The following NKAIN3 variants were observed in gnomAD, a reference collection of about 807,000 sequenced individuals.
The protein encoded by NKAIN3 is sodium/potassium transporting ATPase interacting 3, also known as sodium/potassium-transporting ATPase subunit beta-1-interacting protein 3.
A neutral mutation model predicts 30.2 loss-of-function variants in NKAIN3; 25 were observed. The ratio of observed to expected loss-of-function variants is 0.83; its 90% CI spans 0.60 to 1.16. NKAIN3 has a LOEUF of 1.16. Among genes scored for constraint, NKAIN3 ranks in the 50% most tolerant of loss-of-function variants. NKAIN3 has a pLI of 0.00. For missense variants in NKAIN3, 225 were observed against 254.1 expected (o/e 0.89, Z 0.78); for synonymous variants, 91 against 89.6 (o/e 1.02, Z -0.09).
At chr8:62,693,193 T>C (rs1814037384) in intron 3 of NKAIN3, among the ~76,000 whole-genome samples, 3 of 152,358 alleles carry the variant, frequency 2.0e-5, no homozygotes, top group Non-Finnish European at 4.4e-5. Flanking sequence ...AGAGATAATT[T>C]GCCTCACTTA....
chr8:62,643,009 G>A (rs1451744716), intron 3 of NKAIN3, among the ~76,000 whole-genome samples: 2 of 152,058 alleles, frequency 1.3e-5, no homozygotes, highest in African/African-American at 4.8e-5. Flanking sequence ...TAATTTTGGA[G>A]CATTTTTTGG....
At chr8:62,845,928 A>G (rs866208519) in intron 4 of NKAIN3, among the ~76,000 whole-genome samples, 16 of 152,286 alleles carry the variant, frequency 1.1e-4, no homozygotes, top group African/African-American at 3.8e-4. Context: ...TTACTTAATA[A>G]AAACAAACCT....
At chr8:62,668,791 T>C (rs1813210711) in intron 3 of NKAIN3, among the ~76,000 whole-genome samples, 2 of 152,206 alleles carry the variant, frequency 1.3e-5, no homozygotes, top group Admixed American at 6.5e-5. Context: ...AAAATTTTAA[T>C]CAGTTCATAG....
intron 6 of NKAIN3, among the ~76,000 whole-genome samples, chr8:62,956,681 T>C (rs1274437268): frequency 6.6e-6 from 1 of 152,216 alleles, no homozygotes; most frequent in Non-Finnish European, 1.5e-5. Flanking sequence ...AAAAGCCCAC[T>C]GATTACATCA....
At chr8:62,259,720 A>G (rs895559787) in intron 1 of NKAIN3, among the ~76,000 whole-genome samples, 1 of 152,198 alleles carries the variant, frequency 6.6e-6, no homozygotes, top group Non-Finnish European at 1.5e-5. Context: ...AGATGAGCAT[A>G]GTTATAAACA....
At chr8:62,787,934 G>C (rs986562001) in intron 4 of NKAIN3, among the ~76,000 whole-genome samples, 2 of 152,100 alleles carry the variant, frequency 1.3e-5, no homozygotes, top group African/African-American at 2.4e-5. Context: ...TATCATTGTT[G>C]GACATCTGGC....
chr8:62,828,666 C>T (rs773105229), intron 4 of NKAIN3, among the ~76,000 whole-genome samples: 17 of 152,086 alleles, frequency 1.1e-4, no homozygotes, highest in Non-Finnish European at 2.4e-4. Context: ...ATTGCTTTGA[C>T]AAATGGAACA....
chr8:62,356,547 A>G (rs1374271615), intron 1 of NKAIN3, among the ~76,000 whole-genome samples: 1 of 152,156 alleles, frequency 6.6e-6, no homozygotes, highest in Non-Finnish European at 1.5e-5. Context: ...ACCATTATCA[A>G]GTCCTGCCAA....
At chr8:62,949,729 T>G (rs1218870974) in intron 5 of NKAIN3, among the ~76,000 whole-genome samples, 2 of 152,064 alleles carry the variant, frequency 1.3e-5, no homozygotes, top group Non-Finnish European at 2.9e-5. Context: ...GTTGCTTTTT[T>G]TTTTTCTAAA....
intron 1 of NKAIN3, among the ~76,000 whole-genome samples, chr8:62,570,796 A>G (rs1317681438): frequency 1.3e-5 from 2 of 152,168 alleles, no homozygotes; most frequent in East Asian, 3.9e-4. Context: ...CAGGCAGCTC[A>G]AAGTGAGCTG....
intron 3 of NKAIN3, among the ~76,000 whole-genome samples, chr8:62,689,302 T>C (rs1430136975): frequency 6.6e-6 from 1 of 152,174 alleles, no homozygotes; most frequent in Non-Finnish European, 1.5e-5. Flanking sequence ...CTAGCTGCCC[T>C]AGGCTCCTGC....
chr8:62,605,674 G>A (rs1009216387), intron 3 of NKAIN3, among the ~76,000 whole-genome samples: 1 of 151,950 alleles, frequency 6.6e-6, no homozygotes, highest in Non-Finnish European at 1.5e-5. Flanking sequence ...TATTTACATA[G>A]TATTTACACT....
At chr8:62,914,814 A>G (rs1372623896) in intron 4 of NKAIN3, among the ~76,000 whole-genome samples, 1 of 135,196 alleles carries the variant, frequency 7.4e-6, no homozygotes, top group Non-Finnish European at 1.5e-5. Context: ...TACTTTAAGT[A>G]CTGGGATACA....
At chr8:62,699,251 C>T (rs918328823) in intron 3 of NKAIN3, among the ~76,000 whole-genome samples, 1 of 152,102 alleles carries the variant, frequency 6.6e-6, no homozygotes, top group Non-Finnish European at 1.5e-5. Flanking sequence ...AAAGGTCAAA[C>T]AAGTTCAAGG....
intron 1 of NKAIN3, among the ~76,000 whole-genome samples, chr8:62,513,857 CAAAAAAAAAAAA>C (rs10608416): frequency 1.9e-5 from 1 of 52,616 alleles, no homozygotes. Context: ...AAACCTGTCT[CAAAAAAAAAAAA>C]AAAAAAAAAA....
chr8:62,872,081 G>A (rs944111864), intron 4 of NKAIN3, among the ~76,000 whole-genome samples: 1 of 152,074 alleles, frequency 6.6e-6, no homozygotes, highest in Non-Finnish European at 1.5e-5. Flanking sequence ...TGTTCCATCT[G>A]CCCACAGTAT....
intron 1 of NKAIN3, among the ~76,000 whole-genome samples, chr8:62,556,036 G>A (rs1373722572): frequency 6.6e-6 from 1 of 151,844 alleles, no homozygotes; most frequent in Admixed American, 6.6e-5. Context: ...TTAACAAATT[G>A]GAAAGTATAT....
chr8:62,643,045 A>G (rs1322050347), intron 3 of NKAIN3, among the ~76,000 whole-genome samples: 1 of 152,180 alleles, frequency 6.6e-6, no homozygotes, highest in East Asian at 1.9e-4. Context: ...GAAATGACCA[A>G]TGAATGTTAG....
At position 62,848,396 on chromosome 8, in the gene NKAIN3, G is replaced by C. The variant is rs191036464; in HGVS notation, c.472-70057G>C. Among the ~76,000 whole-genome samples, 242 of 152,118 alleles carry C rather than the reference G, an allele frequency of 1.6e-3. 2 individuals carry two copies. Among genetic ancestry groups the C allele is most frequent in the African/African-American group, 5.1e-3 (210 of 41,510 alleles). On this transcript the variant is annotated intron_variant, in intron 4 of 6. Transcript: ENST00000623646. ...AAAATATCCTTCATTTCTCTTGTTA[G>C]CTGTTTTCCTAGGTATTTTATCCTT... is the stretch of plus-strand genomic sequence containing the variant.
Sources: gnomAD v4.1 joint callset for allele counts (sites outside exome capture counted in the v4.1 genomes callset) on GRCh38, gnomAD v4.1.1 for gene constraint, MANE v1.5 for transcripts, NCBI Gene and HGNC (gene_info 2026-07-23, HGNC 2026-07-21) for gene names.